INF2: variants seen among roughly 807,000 people sequenced by gnomAD.
INF2 encodes the protein inverted formin 2, also known as inverted formin-2.
Under a neutral mutation model 123.5 loss-of-function variants are expected in INF2, and 43 were observed. The observed-to-expected ratio is 0.35, with a 90% CI of 0.27 to 0.45. INF2 has a LOEUF of 0.45. INF2 is among the 20% of genes least tolerant of loss of function. INF2 has a pLI of 1.00. For missense variants in INF2, 1,453 were observed against 1,682.7 expected, an observed-to-expected ratio of 0.86 and a Z score of 2.39; for synonymous variants, 851 against 745.0, an observed-to-expected ratio of 1.14 and a Z score of -2.32.
intron 5 of INF2, among the ~76,000 whole-genome samples, chr14:104,705,811 C>T (rs537144323): frequency 6.6e-6 from 1 of 152,324 alleles, no homozygotes; most frequent in South Asian, 2.1e-4. Context: ...CCTGGTGACC[C>T]GGGGGCAGCC....
Position 104,707,844 on chromosome 14 carries a change from G to T in INF2, c.1577G>T (p.Cys526Phe). 1.2e-6 allele frequency: 2 copies of T among 1,601,254 alleles called. No individual in the cohort carries two copies. Among genetic ancestry groups the T allele is most frequent in the Non-Finnish European group, 1.7e-6 (2 of 1,177,030 alleles). ...CCACCTCCACTACTGCCCTGCACCT[G>T]CAGCCCCCCCGTGGCGGGAGGCATG... ...PPPPPLLPCTCSPPVAGGMEE... is the reference protein window; with the variant it reads ...PPPPPLLPCTFSPPVAGGMEE... Residue 526 changes from cysteine to phenylalanine, a missense_variant, in exon 8 of 23, where the codon TGC becomes TTC. Coordinates refer to ENST00000392634, the MANE Select transcript of INF2 (RefSeq NM_022489.4).
chr14:104,708,268 A>C, intron 8 of INF2, 168 bp from the exon 9 acceptor site: 1 of 933,222 alleles, frequency 1.1e-6, no homozygotes, highest in East Asian at 2.6e-5. Context: ...GGGCCCTGCT[A>C]CAGGTGCTCA....
chr14:104,715,423 G>C, intron 22 of INF2, 83 bp downstream of exon 22: 1 of 1,277,356 alleles, frequency 7.8e-7, no homozygotes. Flanking sequence ...CACCCCTCCG[G>C]GACACTAACC....
chr14:104,707,136 G>T, intron 7 of INF2, 85 bp downstream of exon 7: 1 of 1,511,840 alleles, frequency 6.6e-7, no homozygotes, highest in Non-Finnish European at 8.8e-7. Context: ...CCTGCCCTTG[G>T]CCCCAACCCA....
At chr14:104,710,623 A>AC in intron 13 of INF2, 1 of 525,574 alleles carries the variant, frequency 1.9e-6, no homozygotes, top group Non-Finnish European at 3.4e-6. Context: ...GTACAGACAT[A>AC]AGTGCACACA....
chr14:104,707,238 C>T lies in INF2; in HGVS notation c.986-15C>T, dbSNP rs1442300352. On this transcript the variant is annotated splice_polypyrimidine_tract_variant and intron_variant, in intron 7 of 22. Transcript: ENST00000392634. ...GGCTCCCTTCTCCCTTGACCCTGGA[C>T]ATCCCCTACTGCAGCCCAGGAATGC... The T allele has an allele frequency of 1.2e-6, 2 of 1,602,474 alleles. No individual in the cohort carries two copies. Among genetic ancestry groups the T allele is most frequent in the Middle Eastern group, 1.7e-4 (1 of 6,042 alleles).
chr14:104,701,227 C>T (rs1312536090), intron 1 of INF2, 130 bp from the exon 2 acceptor site: 10 of 1,087,268 alleles, frequency 9.2e-6, no homozygotes, highest in Non-Finnish European at 1.3e-5. Context: ...CCCTAACCCT[C>T]AGCATGGCAC....
Position 104,703,466 on chromosome 14 carries a change from C to T in INF2, c.667+12C>T, listed in dbSNP as rs1021356287. On this transcript the variant is annotated intron_variant, in intron 4 of 22. Transcript: ENST00000392634. ...GAACGAGTTTATCGGTAAGCACCTG[C>T]CCTGGGCCGCATGCCCGCTCCTGCC... 2.5e-6 allele frequency: 4 copies of T among 1,610,414 alleles called. No homozygotes were observed. The highest frequency in any genetic ancestry group is 3.4e-6 in the Non-Finnish European group (4 of 1,179,886).
At chr14:104,703,583 C>A in intron 4 of INF2, 129 bp downstream of exon 4, 1 of 1,300,198 alleles carries the variant, frequency 7.7e-7, no homozygotes, top group Non-Finnish European at 1.1e-6. Context: ...CAGAGGAAGG[C>A]GCCATCTCGG....
chr14:104,706,629 G>A (rs970800580), intron 6 of INF2, among the ~76,000 whole-genome samples: 2 of 152,156 alleles, frequency 1.3e-5, no homozygotes, highest in Non-Finnish European at 2.9e-5. Context: ...GTGTCCCCAG[G>A]TGGCATCTGG....
intron 22 of INF2, among the ~76,000 whole-genome samples, chr14:104,717,315 C>T (rs1252102507): frequency 2.2e-5 from 3 of 137,704 alleles, no homozygotes; most frequent in African/African-American, 8.7e-5. Flanking sequence ...GGGCAGGGCG[C>T]GCTGCCGTCC....
At chr14:104,689,155 G>A (rs920369553), upstream of INF2, 2 of 964,022 alleles carry the variant, frequency 2.1e-6, no homozygotes, top group African/African-American at 3.5e-5. Context: ...CCCAAAGCCT[G>A]GGAAGAGCCA....
In INF2 at chr14:104,694,551, T is replaced by C. The variant is rs1361670184; in HGVS notation, c.-10+4812T>C. Among the ~76,000 whole-genome samples the C allele has an allele frequency of 2.0e-5, 3 of 152,176 alleles. No homozygotes were observed. The East Asian group carries it at 5.8e-4, about 29-fold the overall frequency. ...GGCATTACAGGTGGCATCTCGTCAA[T>C]CTGTCAGTAAGCTGTGGGGGTGGCA... On this transcript the variant is annotated intron_variant, in intron 1 of 22. Coordinates refer to ENST00000392634, the MANE Select transcript of INF2 (RefSeq NM_022489.4).
rs74353827 is a variant in INF2, at chr14:104,683,607, C to G, written c.-104+2025C>G. Among the ~76,000 whole-genome samples, 22 of 132,938 alleles carry G rather than the reference C, an allele frequency of 1.7e-4. 1 individual carries two copies. The East Asian group carries it at 5.0e-3, about 30-fold the overall frequency. The allele number at this position is 132,938 out of a possible 152,430, so 87.2% of individuals were successfully genotyped here. ...ATAAATACTTCTGAAACCCGCCCCC[C>G]TCCCCACCACACACACACAGACACA... On this transcript the variant is annotated intron_variant, in intron 1 of 2. Transcript: ENST00000674723.
chr14:104,715,070 C>T (rs1286390743), intron 21 of INF2, among the ~76,000 whole-genome samples: 2 of 152,210 alleles, frequency 1.3e-5, no homozygotes, highest in African/African-American at 4.8e-5. Context: ...CTACTAATTC[C>T]GACCTTCACG....
chr14:104,714,890 C>T (rs919684076), intron 21 of INF2, 34 bp downstream of exon 21: 8 of 1,491,924 alleles, frequency 5.4e-6, no homozygotes, highest in African/African-American at 2.8e-5. Flanking sequence ...CACCGTCCCA[C>T]GCCAGGGCGC....
intron 13 of INF2, among the ~76,000 whole-genome samples, chr14:104,710,465 A>G (rs1181776210): frequency 6.8e-6 from 1 of 148,014 alleles, no homozygotes; most frequent in Admixed American, 6.7e-5. Flanking sequence ...ACACAAGCAC[A>G]CCGCCACTCA....
intron 2 of INF2, 123 bp downstream of exon 2, chr14:104,701,879 G>A: frequency 9.1e-7 from 1 of 1,103,260 alleles, no homozygotes; most frequent in Non-Finnish European, 1.2e-6. Context: ...GGCAGGCAAG[G>A]AGGGCTTCCT....
chr14:104,707,202 C>T (rs930389895), intron 7 of INF2, 51 bp from the exon 8 acceptor site: 9 of 1,558,566 alleles, frequency 5.8e-6, no homozygotes, highest in Non-Finnish European at 7.8e-6. Flanking sequence ...AGCCCCCATC[C>T]CTCCCTCTCC....
Sources: gnomAD v4.1 joint callset for allele counts (sites outside exome capture counted in the v4.1 genomes callset) on GRCh38, gnomAD v4.1.1 for gene constraint, MANE v1.5 for transcripts, NCBI Gene and HGNC (gene_info 2026-07-23, HGNC 2026-07-21) for gene names.